SEC24B: variants seen among roughly 807,000 people sequenced by gnomAD.
The protein encoded by SEC24B is protein transport protein Sec24B.
A neutral mutation model predicts 142.8 loss-of-function variants in SEC24B; 45 were observed. That is an observed-to-expected ratio of 0.32 (90% CI 0.25 to 0.40). The LOEUF (loss-of-function observed/expected upper bound fraction) is 0.40. Among genes scored for constraint, SEC24B ranks in the 10% least tolerant of loss-of-function variants. The probability of loss-of-function intolerance (pLI) is 1.00; values close to 1 mark genes in which losing one functional copy is unlikely to be tolerated. For missense variants in SEC24B, 1,409 were observed against 1,526.8 expected (o/e 0.92, Z 1.29); for synonymous variants, 574 against 568.2 (o/e 1.01, Z -0.15).
chr4:109,537,510 T>C (rs1459857076), intron 22 of SEC24B, among the ~76,000 whole-genome samples: 1 of 152,238 alleles, frequency 6.6e-6, no homozygotes, highest in Non-Finnish European at 1.5e-5. Flanking sequence ...GCCATGCACC[T>C]GTGGTCCCAG....
At chr4:109,532,260 A>G (rs540428659) in intron 20 of SEC24B, among the ~76,000 whole-genome samples, 1 of 152,264 alleles carries the variant, frequency 6.6e-6, no homozygotes, top group South Asian at 2.1e-4. Flanking sequence ...AGTGTCTTTT[A>G]TCTTCCCTGT....
chr4:109,531,292 A>C, intron 19 of SEC24B, 93 bp from the exon 20 acceptor site: 1 of 1,088,778 alleles, frequency 9.2e-7, no homozygotes, highest in Non-Finnish European at 1.3e-6. Flanking sequence ...TTTAAAGGCC[A>C]TGCTTTTTCC....
Position 109,539,867 on chromosome 4 carries a change from G to C in SEC24B, c.*192G>C, listed in dbSNP as rs1726006307. ...CAGATCTTTTTCAACTCAAATTAAT[G>C]GTAACGATGATGCTGTTTCACCAAG... On this transcript the variant is annotated 3_prime_UTR_variant, in exon 24 of 24. Coordinates refer to ENST00000265175, the MANE Select transcript of SEC24B (RefSeq NM_006323.5). 1 of 561,368 alleles carries C rather than the reference G, an allele frequency of 1.8e-6. No homozygotes were observed. Among genetic ancestry groups the C allele is most frequent in the Non-Finnish European group, 3.1e-6 (1 of 319,960 alleles). The allele number at this position is 561,368 out of a possible 1,614,324, so 34.8% of individuals were successfully genotyped here. A position where few individuals can be genotyped will look rare whatever the true frequency, so the allele number is the denominator to read the frequency against.
intron 18 of SEC24B, among the ~76,000 whole-genome samples, chr4:109,529,924 A>G (rs980680390): frequency 1.3e-5 from 2 of 152,096 alleles, no homozygotes; most frequent in Admixed American, 1.3e-4. Flanking sequence ...TGTAGAGACA[A>G]GGTCTCACTA....
chr4:109,528,774 TCC>T (rs1724558817), intron 18 of SEC24B, among the ~76,000 whole-genome samples: 1 of 152,236 alleles, frequency 6.6e-6, no homozygotes, highest in Non-Finnish European at 1.5e-5. Context: ...CCTTGCTATT[TCC>T]CATGTAGTCC....
chr4:109,511,376 A>T (rs1737311267), intron 8 of SEC24B, among the ~76,000 whole-genome samples: 1 of 152,190 alleles, frequency 6.6e-6, no homozygotes, highest in East Asian at 1.9e-4. Flanking sequence ...TCATGTGCAG[A>T]TAGAAAAAAA....
intron 11 of SEC24B, 33 bp downstream of exon 11, chr4:109,516,673 G>A: frequency 8.6e-7 from 1 of 1,168,420 alleles, no homozygotes; most frequent in South Asian, 1.3e-5. Flanking sequence ...CTATACATAT[G>A]TGTATGTTAT....
chr4:109,529,899 A>G (rs1460433850), intron 18 of SEC24B, among the ~76,000 whole-genome samples: 1 of 152,068 alleles, frequency 6.6e-6, no homozygotes, highest in Non-Finnish European at 1.5e-5. Context: ...ATGCCCAGCT[A>G]ATTTTTTTAT....
chr4:109,502,251 G>A (rs995796381), intron 6 of SEC24B, among the ~76,000 whole-genome samples: 16 of 152,182 alleles, frequency 1.1e-4, no homozygotes, highest in Non-Finnish European at 2.2e-4. Flanking sequence ...AGATCGAAGA[G>A]CTAAAGGACC....
chr4:109,516,740 G>A (rs545712335), intron 11 of SEC24B, 100 bp downstream of exon 11: 8 of 607,356 alleles, frequency 1.3e-5, no homozygotes, highest in Non-Finnish European at 1.9e-5. Flanking sequence ...GGGTTTGGTT[G>A]TATTTATCAA....
rs1390490823 is a variant in SEC24B at position 109,433,866 on chromosome 4, C to T, written c.-4C>T. ...GCGGAGCCGCCGTCGCCACCAGCGC[C>T]GTCATGTCGGCCCCCGCCGGGTCCT... On this transcript the variant is annotated 5_prime_UTR_variant, in exon 1 of 24. Coordinates refer to ENST00000265175, the MANE Select transcript of SEC24B (RefSeq NM_006323.5). The T allele has an allele frequency of 3.0e-6, 4 of 1,329,178 alleles. No homozygotes were observed. Among genetic ancestry groups the T allele is most frequent in the South Asian group, 3.7e-5 (2 of 54,436 alleles). The allele number at this position is 1,329,178 out of a possible 1,614,324, so 82.3% of individuals were successfully genotyped here.
Position 109,492,870 on chromosome 4 carries a change from A to G in SEC24B, c.1246+1463A>G, listed in dbSNP as rs1247760757. 3.4e-5 allele frequency among the ~76,000 whole-genome samples: 5 copies of G among 148,860 alleles called. No individual in the cohort carries two copies. The South Asian group carries it at 8.4e-4, about 25-fold the overall frequency. ...GCTGGGACTACAGGTGCACACCACC[A>G]TATCCAGCTTTTTTTTTTTTTTTTC... On this transcript the variant is annotated intron_variant, in intron 5 of 23. Coordinates refer to ENST00000265175, the MANE Select transcript of SEC24B (RefSeq NM_006323.5).
intron 14 of SEC24B, among the ~76,000 whole-genome samples, chr4:109,522,286 C>T (rs183740860): frequency 1.6e-4 from 23 of 148,232 alleles, no homozygotes; most frequent in East Asian, 1.2e-3. Context: ...CTGCTGACCT[C>T]GTGATCCGCC....
chr4:109,537,595 C>G (rs1725695331), intron 22 of SEC24B, among the ~76,000 whole-genome samples: 2 of 152,146 alleles, frequency 1.3e-5, no homozygotes, highest in Non-Finnish European at 2.9e-5. Flanking sequence ...TGTACTATGA[C>G]TGCACTTGTG....
Position 109,540,372 on chromosome 4 carries a change from A to G in SEC24B, c.*697A>G, listed in dbSNP as rs987000904. On this transcript the variant is annotated 3_prime_UTR_variant, in exon 24 of 24. Transcript: ENST00000265175. ...TATTATGAATTGAGTCCACAAAGGA[A>G]CACAAAACTCTTTGTAATTCTGTTA... 1 of 152,652 alleles carries G rather than the reference A, an allele frequency of 6.6e-6. No individual in the cohort carries two copies. Among genetic ancestry groups the G allele is most frequent in the Non-Finnish European group, 1.5e-5 (1 of 68,054 alleles). The allele number at this position is 152,652 out of a possible 1,614,324, so 9.5% of individuals were successfully genotyped here.
rs76049732 is a variant in SEC24B at position 109,466,831 on chromosome 4, G to C, written c.877+3187G>C. ...AGTCCTCAGTCATTTTATAGAGTTG[G>C]AGATGCAAAAGTATAAACCTGAGTT... is the stretch of plus-strand genomic sequence containing the variant. On this transcript the variant is annotated intron_variant, in intron 2 of 23. Coordinates refer to ENST00000265175, the MANE Select transcript of SEC24B (RefSeq NM_006323.5). 3.1e-3 allele frequency among the ~76,000 whole-genome samples: 474 copies of C among 152,248 alleles called. 4 individuals are homozygous for C. Among genetic ancestry groups the C allele is most frequent in the African/African-American group, 0.01 (426 of 41,526 alleles).
At chr4:109,438,004 G>C (rs1368482662) in intron 1 of SEC24B, among the ~76,000 whole-genome samples, 4 of 152,188 alleles carry the variant, frequency 2.6e-5, no homozygotes, top group Non-Finnish European at 5.9e-5. Context: ...AAGCAAAGTG[G>C]TTGCGGTTAA....
At chr4:109,527,544 G>A (rs1314409239) in intron 18 of SEC24B, 112 bp downstream of exon 18, 48 of 735,366 alleles carry the variant, frequency 6.5e-5, no homozygotes, top group Non-Finnish European at 5.8e-5. Context: ...AGGCTGAGGC[G>A]GACGGACCAC....
chr4:109,463,492 C>T lies in SEC24B; in HGVS notation c.725C>T (p.Pro242Leu). 6.2e-7 allele frequency: 1 copy of T among 1,614,152 alleles called. No individual in the cohort carries two copies. The highest frequency in any genetic ancestry group is 8.5e-7 in the Non-Finnish European group (1 of 1,180,030). ...ATCAGCCATCCATCGCCACTTCCAC[C>T]TCTACCATCACAACAGCACCACCAG... ...TAISHPSPLP[P>L]LPSQQHHQQQ... Residue 242 changes from proline to leucine, a missense_variant, in exon 2 of 24, where the codon CCT becomes CTT. Pro to Leu is a moderately conservative substitution (Grantham distance 98). Coordinates refer to ENST00000265175, the MANE Select transcript of SEC24B (RefSeq NM_006323.5).
Sources: allele counts gnomAD v4.1 joint callset (sites outside exome capture counted in the v4.1 genomes callset), GRCh38; gene constraint gnomAD v4.1.1; transcripts MANE v1.5; gene names NCBI Gene and HGNC (gene_info 2026-07-23, HGNC 2026-07-21).